Variants in MYT1L observed in about 807,000 individuals in gnomAD.
The protein encoded by MYT1L is myelin transcription factor 1 like.
A neutral mutation model predicts 126.7 loss-of-function variants in MYT1L; 12 were observed. That is an observed-to-expected ratio of 0.09 (90% CI 0.06 to 0.15). The LOEUF is 0.15. Ranked by LOEUF, MYT1L falls within the 10% of genes least tolerant of loss-of-function variation. The probability of loss-of-function intolerance (pLI) is 1.00; values close to 1 mark genes in which losing one functional copy is unlikely to be tolerated. For synonymous variants in MYT1L, 541 were observed against 604.2 expected, an observed-to-expected ratio of 0.90 and a Z score of 1.53; for missense variants, 979 against 1,585.2, an observed-to-expected ratio of 0.62 and a Z score of 6.49.
chr2:2,033,423 T>A (rs181406568), intron 4 of MYT1L, among the ~76,000 whole-genome samples: 1 of 148,042 alleles, frequency 6.8e-6, no homozygotes, highest in Admixed American at 6.8e-5. Flanking sequence ...CCAGAGCAGA[T>A]TCGAGAAGGA....
Position 1,917,274 on chromosome 2 carries a change from C to T in MYT1L, c.1549G>A (p.Val517Ile), listed in dbSNP as rs765680020. ...PTPGCDGTGH[V>I]TGLYPHHRSL... ...CGGTGATGTGGGTACAGCCCAGTTA[C>T]GTGGCCGGTTCCATCACACCCGGGG... The change falls in exon 11 of 25, where the codon GTA (valine) becomes ATA (isoleucine). Residue 517 changes from valine to isoleucine, a missense_variant. Val to Ile is a conservative substitution (Grantham distance 29, BLOSUM62 3). Coordinates refer to ENST00000647738, the MANE Select transcript of MYT1L (RefSeq NM_001303052.2). This position sits in a 1 kb window ranked among gnomAD's most constrained non-coding sequence, Gnocchi z 5.9. 22 of 1,613,336 alleles carry T rather than the reference C, an allele frequency of 1.4e-5. No homozygotes were observed. Among genetic ancestry groups the T allele is most frequent in the South Asian group, 2.2e-5 (2 of 91,048 alleles).
chr2:2,139,251 T>G (rs976117711), intron 3 of MYT1L, among the ~76,000 whole-genome samples: 4 of 152,036 alleles, frequency 2.6e-5, no homozygotes, highest in African/African-American at 9.7e-5. Context: ...AAACCTAAAT[T>G]CAGCCATGAA....
At chr2:1,942,197 C>T (rs182040578) in intron 9 of MYT1L, among the ~76,000 whole-genome samples, 3 of 152,290 alleles carry the variant, frequency 2.0e-5, no homozygotes, top group Admixed American at 2.0e-4. Context: ...AACAAAACCA[C>T]AAAACTCCCA....
intron 3 of MYT1L, among the ~76,000 whole-genome samples, chr2:2,158,650 C>A (rs1037846355): frequency 6.7e-6 from 1 of 149,598 alleles, no homozygotes; most frequent in African/African-American, 2.5e-5. Flanking sequence ...CACACACACG[C>A]GTAGGTGGAC....
intron 4 of MYT1L, among the ~76,000 whole-genome samples, chr2:2,011,721 A>G (rs1426812827): frequency 6.6e-6 from 1 of 152,246 alleles, no homozygotes; most frequent in African/African-American, 2.4e-5. Context: ...AAAGGATCTG[A>G]ACAGATATTT....
chr2:2,104,160 T>A (rs1429995787), intron 3 of MYT1L, among the ~76,000 whole-genome samples: 1 of 152,216 alleles, frequency 6.6e-6, no homozygotes, highest in South Asian at 2.1e-4. Context: ...CAGTATGTCC[T>A]CGAAATAGGT....
At position 2,049,351 on chromosome 2, in the gene MYT1L, A is replaced by C. The variant is rs548855628; in HGVS notation, c.-158+4627T>G. Among the ~76,000 whole-genome samples, 4 of 152,350 alleles carry C rather than the reference A, an allele frequency of 2.6e-5. 1 individual carries two copies. The South Asian group carries it at 8.3e-4, about 32-fold the overall frequency. ...TATATATTATACACGGTTATCAGAG[A>C]GACACAAGAATAATAATGTATAATA... On this transcript the variant is annotated intron_variant, in intron 4 of 24. Transcript: ENST00000647738.
intron 4 of MYT1L, among the ~76,000 whole-genome samples, chr2:2,023,494 C>A (rs909456577): frequency 3.0e-4 from 45 of 152,210 alleles, no homozygotes; most frequent in Admixed American, 2.8e-3. Context: ...TAAGCCTACA[C>A]CAACAGATTG....
intron 9 of MYT1L, among the ~76,000 whole-genome samples, chr2:1,933,335 C>G (rs2055283670): frequency 6.6e-6 from 1 of 152,104 alleles, no homozygotes; most frequent in Admixed American, 6.6e-5. Flanking sequence ...TCAGGCGACA[C>G]AGATTCTAGC....
At chr2:2,204,966 C>T (rs952273741) in intron 2 of MYT1L, among the ~76,000 whole-genome samples, 18 of 151,562 alleles carry the variant, frequency 1.2e-4, no homozygotes, top group South Asian at 2.1e-4. Context: ...TTTGTAGGGA[C>T]ATGGATGAAG....
intron 3 of MYT1L, among the ~76,000 whole-genome samples, chr2:2,080,667 A>C (rs1238508984): frequency 6.6e-6 from 1 of 152,192 alleles, no homozygotes; most frequent in East Asian, 1.9e-4. Flanking sequence ...TATTGCAAAA[A>C]AGGAAAAGAA....
chr2:2,159,689 A>T (rs1347590164), intron 3 of MYT1L, among the ~76,000 whole-genome samples: 2 of 151,970 alleles, frequency 1.3e-5, no homozygotes, highest in Admixed American at 1.3e-4. Flanking sequence ...TCTTCAAAGG[A>T]CAGAAAGGCC....
chr2:1,795,160 C>T (rs545379805), intron 23 of MYT1L, among the ~76,000 whole-genome samples: 6 of 152,306 alleles, frequency 3.9e-5, no homozygotes, highest in African/African-American at 1.2e-4. Flanking sequence ...GTCACTGCTG[C>T]CCGTTCCTTA....
In MYT1L at chr2:1,945,495, G is replaced by A. The variant is rs56397555; in HGVS notation, c.153-2161C>T. 4.8e-3 allele frequency among the ~76,000 whole-genome samples: 737 copies of A among 152,080 alleles called. 6 individuals carry two copies. The highest frequency in any genetic ancestry group is 0.017 in the African/African-American group (689 of 41,542). On this transcript the variant is annotated intron_variant, in intron 8 of 24. Transcript: ENST00000647738. ...GGGTGAGAAGGTGCTGGGAGAGAGC[G>A]TGAGAGCAGGACACAGTGTGTGTGG... is the stretch of plus-strand genomic sequence containing the variant.
At chr2:2,304,951 C>T (rs1191741619) in intron 1 of MYT1L, among the ~76,000 whole-genome samples, 1 of 152,188 alleles carries the variant, frequency 6.6e-6, no homozygotes, top group Non-Finnish European at 1.5e-5. Context: ...TTGAGATGTA[C>T]TTTCAGTGTA....
chr2:1,887,350 C>T lies in MYT1L; in HGVS notation c.2642+138G>A. On this transcript the variant is annotated intron_variant, in intron 17 of 24. Coordinates refer to ENST00000647738, the MANE Select transcript of MYT1L (RefSeq NM_001303052.2). The surrounding 1 kb of genome is among the most constrained non-coding windows in gnomAD (Gnocchi z 4.8). ...CACGGTTAGCTGCTCACTCTACTGA[C>T]CCAGCAGTCGGAAACATTTATATGC... The T allele has an allele frequency of 8.9e-7, 1 of 1,128,206 alleles. No individual in the cohort carries two copies. Among genetic ancestry groups the T allele is most frequent in the Non-Finnish European group, 1.3e-6 (1 of 777,310 alleles). The allele number at this position is 1,128,206 out of a possible 1,614,324, so 69.9% of individuals were successfully genotyped here.
At chr2:1,920,025 A>T (rs1177113735) in intron 10 of MYT1L, among the ~76,000 whole-genome samples, 6 of 152,100 alleles carry the variant, frequency 3.9e-5, no homozygotes, top group Non-Finnish European at 5.9e-5. Context: ...GGCTGCATGT[A>T]TTTGGTTCTG....
chr2:1,843,805 G>A (rs2042154112), intron 19 of MYT1L, among the ~76,000 whole-genome samples: 1 of 152,200 alleles, frequency 6.6e-6, no homozygotes, highest in African/African-American at 2.4e-5. Context: ...CACTCCCTGT[G>A]GACTTGGGAG....
intron 1 of MYT1L, among the ~76,000 whole-genome samples, chr2:2,296,000 G>T (rs1260587401): frequency 6.6e-6 from 1 of 152,122 alleles, no homozygotes; most frequent in Non-Finnish European, 1.5e-5. Flanking sequence ...GATTCCAAAG[G>T]CTGGCAACCC....
Sources: gnomAD v4.1 joint callset for allele counts (sites outside exome capture counted in the v4.1 genomes callset) on GRCh38, gnomAD v4.1.1 for gene constraint, Gnocchi (gnomAD v3.1) non-coding constraint, MANE v1.5 for transcripts, NCBI Gene and HGNC (gene_info 2026-07-23, HGNC 2026-07-21) for gene names.